Variants in NUBPL observed in about 807,000 individuals in gnomAD.
The protein encoded by NUBPL is iron-sulfur cluster transfer protein NUBPL.
NUBPL carries 31 observed loss-of-function variants against 45.7 expected under a neutral mutation model. The observed-to-expected ratio is 0.68, with a 90% confidence interval of 0.51 to 0.92. The LOEUF is 0.92. Among genes scored for constraint, NUBPL ranks in the 40% least tolerant of loss-of-function variants. NUBPL has a pLI of 0.00. For synonymous variants in NUBPL, 144 were observed against 140.9 expected, an observed-to-expected ratio of 1.02 and a Z score of -0.15; for missense variants, 401 against 398.7, an observed-to-expected ratio of 1.01 and a Z score of -0.05.
intron 6 of NUBPL, among the ~76,000 whole-genome samples, chr14:31,760,484 T>G (rs577973027): frequency 1.3e-5 from 2 of 152,136 alleles, no homozygotes; most frequent in East Asian, 3.9e-4. Flanking sequence ...TGACCAACAC[T>G]CCCCCATTCT....
intron 8 of NUBPL, among the ~76,000 whole-genome samples, chr14:31,840,116 G>A (rs1005371867): frequency 6.6e-6 from 1 of 152,074 alleles, no homozygotes; most frequent in Non-Finnish European, 1.5e-5. Flanking sequence ...TATATCCAAA[G>A]GAACCGAAAT....
intron 6 of NUBPL, among the ~76,000 whole-genome samples, chr14:31,756,523 A>G (rs1467969898): frequency 1.3e-5 from 2 of 151,978 alleles, no homozygotes; most frequent in Non-Finnish European, 2.9e-5. Flanking sequence ...CTGTATAAGA[A>G]TGCTTGTGAT....
chr14:31,833,455 T>C (rs111645099), intron 8 of NUBPL, among the ~76,000 whole-genome samples: 2,950 of 152,266 alleles, frequency 0.019, 101 homozygotes, highest in African/African-American at 0.067. Flanking sequence ...GAGCCATCTA[T>C]ATTATCTTCA....
At chr14:31,813,336 C>G (rs535571895) in intron 7 of NUBPL, among the ~76,000 whole-genome samples, 5 of 151,924 alleles carry the variant, frequency 3.3e-5, no homozygotes, top group African/African-American at 1.2e-4. Flanking sequence ...GACTTGAAGC[C>G]CATTTAACTG....
intron 7 of NUBPL, among the ~76,000 whole-genome samples, chr14:31,808,753 T>C (rs2039741399): frequency 6.6e-6 from 1 of 152,298 alleles, no homozygotes; most frequent in Non-Finnish European, 1.5e-5. Flanking sequence ...GGCTGTGGGT[T>C]TGTCATAAAT....
rs1415078477 is a variant in NUBPL at position 31,577,994 on chromosome 14, T to C, written c.291+12946T>C. On this transcript the variant is annotated intron_variant, in intron 3 of 10. Coordinates refer to ENST00000281081, the MANE Select transcript of NUBPL (RefSeq NM_025152.3). ...TGCGTCTTAAATCATCTGCCACTAT[T>C]GCCTGGCCCGTTGTTATGAACTCAG... is the stretch of plus-strand genomic sequence containing the variant. The C allele has an allele frequency of 2.3e-6, 3 of 1,288,684 alleles. No individual in the cohort carries two copies. The South Asian group carries it at 3.7e-5, about 16-fold the overall frequency. The allele number at this position is 1,288,684 out of a possible 1,614,324, so 79.8% of individuals were successfully genotyped here.
intron 8 of NUBPL, among the ~76,000 whole-genome samples, chr14:31,834,995 A>G (rs1278419112): frequency 1.3e-5 from 2 of 152,132 alleles, no homozygotes; most frequent in African/African-American, 4.8e-5. Context: ...TTTGCTTGTT[A>G]TTGGGGTTCT....
At chr14:31,715,349 A>G (rs955435068) in intron 6 of NUBPL, among the ~76,000 whole-genome samples, 5 of 152,204 alleles carry the variant, frequency 3.3e-5, no homozygotes, top group African/African-American at 1.2e-4. Flanking sequence ...AAGGTCATGT[A>G]CAGTCATGTT....
At chr14:31,641,327 T>G (rs890193111) in intron 4 of NUBPL, among the ~76,000 whole-genome samples, 1 of 152,168 alleles carries the variant, frequency 6.6e-6, no homozygotes, top group Non-Finnish European at 1.5e-5. Context: ...CTTACCCCCT[T>G]TTTTCATCCC....
At chr14:31,592,790 A>G (rs2034176557) in intron 3 of NUBPL, among the ~76,000 whole-genome samples, 1 of 152,046 alleles carries the variant, frequency 6.6e-6, no homozygotes, top group South Asian at 2.1e-4. Flanking sequence ...AGTGCTACAT[A>G]TATAGGTTGT....
intron 6 of NUBPL, among the ~76,000 whole-genome samples, chr14:31,745,479 A>G (rs537065909): frequency 2.0e-5 from 3 of 152,050 alleles, no homozygotes; most frequent in African/African-American, 4.8e-5. Flanking sequence ...TTTTTTTAGT[A>G]GAGATGGGGT....
intron 6 of NUBPL, among the ~76,000 whole-genome samples, chr14:31,764,767 T>C (rs764435555): frequency 7.2e-5 from 11 of 152,196 alleles, no homozygotes; most frequent in Non-Finnish European, 1.3e-4. Context: ...CTTTACAATT[T>C]AGTGATCTTA....
At chr14:31,734,011 T>C (rs1566530406) in intron 6 of NUBPL, among the ~76,000 whole-genome samples, 1 of 152,228 alleles carries the variant, frequency 6.6e-6, no homozygotes, top group Non-Finnish European at 1.5e-5. Context: ...TTTCTGCATT[T>C]GTTGAAGTGA....
chr14:31,629,781 C>A (rs911627596), intron 4 of NUBPL, among the ~76,000 whole-genome samples: 2 of 152,104 alleles, frequency 1.3e-5, no homozygotes, highest in African/African-American at 2.4e-5. Flanking sequence ...ACATGTCATA[C>A]TTCTCAATTA....
intron 3 of NUBPL, among the ~76,000 whole-genome samples, chr14:31,587,126 T>A (rs2034015312): frequency 6.6e-6 from 1 of 152,130 alleles, no homozygotes; most frequent in Admixed American, 6.6e-5. Flanking sequence ...TAAATCAAAA[T>A]CTCTGGGAAT....
chr14:31,569,023 A>ATTATACATATATATATATAATGTTTAT, intron 3 of NUBPL, among the ~76,000 whole-genome samples: 1 of 152,332 alleles, frequency 6.6e-6, no homozygotes, highest in East Asian at 1.9e-4. Flanking sequence ...ATGTATAAAC[A>ATTATACATATATATATATAATGTTTAT]AATATATTAA....
intron 4 of NUBPL, among the ~76,000 whole-genome samples, chr14:31,632,865 G>A (rs938764759): frequency 5.3e-5 from 8 of 152,252 alleles, no homozygotes; most frequent in Admixed American, 1.3e-4. Context: ...AAATATTCAC[G>A]TCCATAAAAG....
At chr14:31,722,502 T>C (rs1368802202) in intron 6 of NUBPL, among the ~76,000 whole-genome samples, 1 of 152,184 alleles carries the variant, frequency 6.6e-6, no homozygotes, top group Non-Finnish European at 1.5e-5. Flanking sequence ...GTTTAGTTCT[T>C]TGAGGAATGG....
At chr14:31,749,454 G>A (rs1479248487) in intron 6 of NUBPL, among the ~76,000 whole-genome samples, 1 of 152,028 alleles carries the variant, frequency 6.6e-6, no homozygotes, top group African/African-American at 2.4e-5. Flanking sequence ...CTTCATTTCC[G>A]ATTTTTGCTG....
Sources: gnomAD v4.1 joint callset for allele counts (sites outside exome capture counted in the v4.1 genomes callset) on GRCh38, gnomAD v4.1.1 for gene constraint, MANE v1.5 for transcripts, NCBI Gene and HGNC (gene_info 2026-07-23, HGNC 2026-07-21) for gene names.